Variants in YAP1 observed in about 807,000 individuals in gnomAD.
YAP1 encodes the protein Yes1 associated transcriptional regulator.
In YAP1, 5 loss-of-function variants were observed where a neutral mutation model predicts 56.9. That is an observed-to-expected ratio of 0.09 (90% confidence interval 0.05 to 0.18). The LOEUF (loss-of-function observed/expected upper bound fraction) is 0.18, where lower values mean the gene tolerates loss of function less well. Among genes scored for constraint, YAP1 ranks in the 10% least tolerant of loss-of-function variants. The pLI, the probability that YAP1 is intolerant of heterozygous loss-of-function variation, is 1.00. For missense variants in YAP1, 539 were observed against 651.8 expected, an observed-to-expected ratio of 0.83 and a Z score of 1.88; for synonymous variants, 265 against 248.1, an observed-to-expected ratio of 1.07 and a Z score of -0.64.
At chr11:102,220,363 CA>C (rs560761633) in intron 6 of YAP1, among the ~76,000 whole-genome samples, 15 of 152,174 alleles carry the variant, frequency 9.9e-5, no homozygotes, top group African/African-American at 3.6e-4. Context: ...CATCCAAAAC[CA>C]AAGACCTTTA....
At position 102,110,924 on chromosome 11, in the gene YAP1, G is replaced by A. The variant is rs1277114008; in HGVS notation, c.76G>A (p.Gly26Arg). ...GCAGCCGCCTTCGCAGCCCCCGCAG[G>A]GGCAGGGCCCGCCGTCCGGACCCGG... ...QGQPPSQPPQ[G>R]QGPPSGPGQP... Residue 26 changes from glycine to arginine, a missense_variant, in exon 1 of 9, where the codon GGG becomes AGG. Transcript: ENST00000282441. 1.9e-5 allele frequency: 28 copies of A among 1,452,434 alleles called. No homozygotes were observed. The highest frequency in any genetic ancestry group is 2.8e-5 in the Admixed American group (1 of 35,570). The allele number at this position is 1,452,434 out of a possible 1,614,324, so 90.0% of individuals were successfully genotyped here. A position where few individuals can be genotyped will look rare whatever the true frequency, so the allele number is the denominator to read the frequency against.
intron 2 of YAP1, among the ~76,000 whole-genome samples, chr11:102,152,915 A>C (rs944610924): frequency 6.6e-6 from 1 of 152,138 alleles, no homozygotes; most frequent in East Asian, 1.9e-4. Flanking sequence ...AGGCTGAGAG[A>C]GCTTAGGGAA....
intron 2 of YAP1, among the ~76,000 whole-genome samples, chr11:102,161,100 G>C (rs1294588516): frequency 9.3e-6 from 1 of 107,278 alleles, no homozygotes; most frequent in Non-Finnish European, 1.7e-5. Flanking sequence ...TGGCTCTGTT[G>C]CCCAGGCTGG....
In YAP1 at chr11:102,150,802, G is replaced by GTTTTTTTTTT. The variant is rs370378973; in HGVS notation, c.573-11646_573-11637dup. 1.2e-3 allele frequency among the ~76,000 whole-genome samples: 128 copies of GTTTTTTTTTT among 108,026 alleles called. 4 individuals are homozygous for GTTTTTTTTTT. Among genetic ancestry groups the GTTTTTTTTTT allele is most frequent in the South Asian group, 2.4e-3 (6 of 2,548 alleles). 70.9% of individuals were successfully genotyped at this position (108,026 alleles called of 152,430 possible). A position where few individuals can be genotyped will look rare whatever the true frequency, so the allele number is the denominator to read the frequency against. ...TTCAGTGAAAACATACATACAAATG[G>GTTTTTTTTTT]TTTTTTTTTTTTTTTTTGGAGACAG... On this transcript the variant is annotated intron_variant, in intron 2 of 8. Transcript: ENST00000282441.
chr11:102,165,766 T>C (rs909334782), intron 3 of YAP1, among the ~76,000 whole-genome samples: 2 of 152,076 alleles, frequency 1.3e-5, no homozygotes, highest in Non-Finnish European at 2.9e-5. Context: ...TAACCAGGGA[T>C]AGGATAACTG....
Position 102,232,731 on chromosome 11 carries a change from A to G in YAP1, c.*2791A>G, listed in dbSNP as rs1236206195. 6.6e-6 allele frequency: 1 copy of G among 152,588 alleles called. No homozygotes were observed. Among genetic ancestry groups the G allele is most frequent in the Non-Finnish European group, 1.5e-5 (1 of 68,020 alleles). 9.5% of individuals were successfully genotyped at this position (152,588 alleles called of 1,614,324 possible). A position where few individuals can be genotyped will look rare whatever the true frequency, so the allele number is the denominator to read the frequency against. On this transcript the variant is annotated 3_prime_UTR_variant, in exon 9 of 9. Transcript: ENST00000282441. Reference sequence around the variant, plus strand: ...GCTTTTACAATAAACCAATTTTATAATCTTTAAATTTATCAACTTTTTACA... The same window carrying G: ...GCTTTTACAATAAACCAATTTTATAGTCTTTAAATTTATCAACTTTTTACA...
At chr11:102,175,292 C>T (rs1565230691) in intron 3 of YAP1, among the ~76,000 whole-genome samples, 2 of 152,118 alleles carry the variant, frequency 1.3e-5, no homozygotes, top group African/African-American at 2.4e-5. Context: ...CCCAGCTACT[C>T]GGGAGGCTGA....
intron 6 of YAP1, among the ~76,000 whole-genome samples, chr11:102,219,967 C>T (rs1949841851): frequency 1.3e-5 from 2 of 151,814 alleles, no homozygotes; most frequent in East Asian, 2.0e-4. Flanking sequence ...CTCCTGACCT[C>T]AAATGATCCG....
intron 3 of YAP1, among the ~76,000 whole-genome samples, chr11:102,185,392 C>T (rs150315379): frequency 6.6e-6 from 1 of 152,094 alleles, no homozygotes; most frequent in Non-Finnish European, 1.5e-5. Context: ...TCCTCCCAAG[C>T]CTCCAACAAG....
intron 2 of YAP1, among the ~76,000 whole-genome samples, chr11:102,158,672 A>G (rs1946096565): frequency 6.6e-6 from 1 of 152,178 alleles, no homozygotes; most frequent in African/African-American, 2.4e-5. Flanking sequence ...CTTTCTTAGT[A>G]TATTATTTTT....
chr11:102,116,559 C>A (rs191752488), intron 2 of YAP1, among the ~76,000 whole-genome samples: 2 of 152,222 alleles, frequency 1.3e-5, no homozygotes, highest in Admixed American at 6.5e-5. Flanking sequence ...TCAATTCACC[C>A]CTGTCAACTA....
chr11:102,169,204 A>T (rs184098805), intron 3 of YAP1, among the ~76,000 whole-genome samples: 19 of 152,348 alleles, frequency 1.2e-4, no homozygotes, highest in African/African-American at 4.6e-4. Context: ...CAGAATCCAT[A>T]TCACATAGTT....
At chr11:102,115,596 C>CTT (rs1323425179) in intron 2 of YAP1, among the ~76,000 whole-genome samples, 36 of 121,892 alleles carry the variant, frequency 3.0e-4, no homozygotes, top group Non-Finnish European at 6.1e-4. Context: ...CTTTTCTTTT[C>CTT]TTCTTTTTTT....
At chr11:102,159,644 A>C (rs570077641) in intron 2 of YAP1, among the ~76,000 whole-genome samples, 2 of 152,324 alleles carry the variant, frequency 1.3e-5, no homozygotes, top group East Asian at 3.9e-4. Context: ...CAGGAGTCAC[A>C]GTCCTGGTTG....
At chr11:102,191,355 A>C (rs764460870) in intron 4 of YAP1, among the ~76,000 whole-genome samples, 6 of 149,902 alleles carry the variant, frequency 4.0e-5, no homozygotes, top group Non-Finnish European at 8.9e-5. Flanking sequence ...CGGACCACCA[A>C]CACTTTTTTT....
At chr11:102,129,494 T>A (rs559552623) in intron 2 of YAP1, among the ~76,000 whole-genome samples, 1 of 151,854 alleles carries the variant, frequency 6.6e-6, no homozygotes, top group East Asian at 2.0e-4. Flanking sequence ...GGTGGGTGCC[T>A]GTAATCCCAG....
At chr11:102,160,038 T>TTG (rs1414380389) in intron 2 of YAP1, among the ~76,000 whole-genome samples, 3 of 151,484 alleles carry the variant, frequency 2.0e-5, no homozygotes, top group African/African-American at 7.3e-5. Flanking sequence ...TTTTTTTTTT[T>TTG]TTGAGCCAGA....
chr11:102,192,788 G>C (rs1188039701), intron 4 of YAP1, among the ~76,000 whole-genome samples: 2 of 152,148 alleles, frequency 1.3e-5, no homozygotes, highest in African/African-American at 4.8e-5. Context: ...ACTATTTATT[G>C]CACCATTTAA....
intron 2 of YAP1, among the ~76,000 whole-genome samples, chr11:102,128,163 G>T (rs1404777590): frequency 6.6e-6 from 1 of 152,114 alleles, no homozygotes; most frequent in African/African-American, 2.4e-5. Flanking sequence ...AGGCATGATT[G>T]GTTTTGAAAT....
Sources: gnomAD v4.1 joint callset for allele counts (sites outside exome capture counted in the v4.1 genomes callset) on GRCh38, gnomAD v4.1.1 for gene constraint, MANE v1.5 for transcripts, NCBI Gene and HGNC (gene_info 2026-07-23, HGNC 2026-07-21) for gene names.